The following EHMT1 variants were observed in gnomAD, a reference collection of about 807,000 sequenced individuals.
EHMT1 encodes the protein euchromatic histone lysine methyltransferase 1.
EHMT1 carries 15 observed loss-of-function variants against 147.2 expected under a neutral mutation model. The ratio of observed to expected loss-of-function variants is 0.10; its 90% CI spans 0.07 to 0.16. EHMT1 has a LOEUF of 0.16. Among genes scored for constraint, EHMT1 ranks in the 10% least tolerant of loss-of-function variants. The probability of loss-of-function intolerance (pLI) is 1.00; values close to 1 mark genes in which losing one functional copy is unlikely to be tolerated. For synonymous variants in EHMT1, 795 were observed against 709.6 expected, an observed-to-expected ratio of 1.12 and a Z score of -1.91; for missense variants, 1,587 against 1,772.4, an observed-to-expected ratio of 0.90 and a Z score of 1.88.
chr9:137,637,566 T>C (rs1428456714), intron 1 of EHMT1: 1 of 152,062 alleles, frequency 6.6e-6, no homozygotes, highest in Non-Finnish European at 1.5e-5. Context: ...ACTTCAGTCT[T>C]GAACTCCTGA....
rs547934043 is a variant in EHMT1, at chr9:137,717,284, G to A, written c.642+102G>A. ...ATTGAGGAGAAGCCAGTAAGTGTCAGTGGTTATCCGACAGGGCCTATGAGG... is the reference window on the plus strand; with the variant it reads ...ATTGAGGAGAAGCCAGTAAGTGTCAATGGTTATCCGACAGGGCCTATGAGG... On this transcript the variant is annotated intron_variant, in intron 3 of 26. Coordinates refer to ENST00000460843, the MANE Select transcript of EHMT1 (RefSeq NM_024757.5). 4.1e-6 allele frequency: 6 copies of A among 1,446,512 alleles called. No homozygotes were observed. In the East Asian group the frequency reaches 1.2e-4, roughly 29 times the overall value. The allele number at this position is 1,446,512 out of a possible 1,614,324, so 89.6% of individuals were successfully genotyped here.
rs758415082 is a variant in EHMT1, at chr9:137,782,277, G to A, written c.2276-14G>A. On this transcript the variant is annotated splice_polypyrimidine_tract_variant and intron_variant, in intron 14 of 26. Transcript: ENST00000460843. The surrounding 1 kb of genome is among the most constrained non-coding windows in gnomAD (Gnocchi z 5.7). ...TACATCTGAAATCATTAATAAAACTGTGTTTGTTCACAGTGGACGGAATTG... is the reference window on the plus strand; with the variant it reads ...TACATCTGAAATCATTAATAAAACTATGTTTGTTCACAGTGGACGGAATTG... 9.9e-6 allele frequency: 16 copies of A among 1,608,192 alleles called. No individual in the cohort carries two copies. Among genetic ancestry groups the A allele is most frequent in the Non-Finnish European group, 1.0e-5 (12 of 1,175,712 alleles).
At chr9:137,809,806 G>A (rs117340399) in intron 18 of EHMT1, among the ~76,000 whole-genome samples, 1 of 152,278 alleles carries the variant, frequency 6.6e-6, no homozygotes, top group African/African-American at 2.4e-5. Flanking sequence ...GTAAAGGAAA[G>A]GTCCGGAAGC....
At chr9:137,810,311 C>T (rs1954360207) in intron 18 of EHMT1, among the ~76,000 whole-genome samples, 1 of 151,872 alleles carries the variant, frequency 6.6e-6, no homozygotes, top group Non-Finnish European at 1.5e-5. Context: ...CCTCGCACGG[C>T]GCCAACTGGA....
intron 1 of EHMT1, among the ~76,000 whole-genome samples, chr9:137,635,493 G>T (rs1351352892): frequency 1.3e-5 from 2 of 151,602 alleles, no homozygotes; most frequent in African/African-American, 4.8e-5. Flanking sequence ...GGGATTACAG[G>T]CATGAACCAC....
At chr9:137,631,124 C>G (rs555908772) in intron 1 of EHMT1, among the ~76,000 whole-genome samples, 3 of 152,218 alleles carry the variant, frequency 2.0e-5, no homozygotes, top group African/African-American at 7.2e-5. Context: ...GTGGCTTATG[C>G]CTGTAATCCC....
At chr9:137,726,352 G>T (rs538204549) in intron 3 of EHMT1, among the ~76,000 whole-genome samples, 17 of 152,282 alleles carry the variant, frequency 1.1e-4, no homozygotes, top group African/African-American at 3.4e-4. Context: ...GGGACCTCCT[G>T]TAAGTGGAAT....
intron 22 of EHMT1, chr9:137,815,717 G>A (rs775688207): frequency 3.0e-5 from 17 of 563,546 alleles, no homozygotes; most frequent in Non-Finnish European, 5.5e-5. Flanking sequence ...GCTGGGCCTA[G>A]GGGAGCGCTC....
In EHMT1 at chr9:137,762,807, G is replaced by A; in HGVS notation, c.1634G>A (p.Ser545Asn). 1 of 1,614,224 alleles carries A rather than the reference G, an allele frequency of 6.2e-7. No homozygotes were observed. The highest frequency in any genetic ancestry group is 8.5e-7 in the Non-Finnish European group (1 of 1,180,038). The stretch of plus-strand genomic sequence containing the variant: ...AACAACCAGTGCATGGCTACAGAGA[G>A]CGTGGACCATGAAGTAAGCACGTTT... ...LANNQCMATESVDHELGRCTN... is the reference protein window; with the variant it reads ...LANNQCMATENVDHELGRCTN... Residue 545 changes from serine to asparagine, a missense_variant, in exon 10 of 27, where the codon AGC becomes AAC. Physicochemically the swap from Ser to Asn is conservative, Grantham distance 46 (BLOSUM62 1). This residue lies in a region of EHMT1 where 124 missense variants were observed against 197.8 expected (regional missense o/e 0.63). Coordinates refer to ENST00000460843, the MANE Select transcript of EHMT1 (RefSeq NM_024757.5).
At chr9:137,626,604 C>T (rs1843274771) in intron 1 of EHMT1, among the ~76,000 whole-genome samples, 1 of 150,434 alleles carries the variant, frequency 6.6e-6, no homozygotes, top group Non-Finnish European at 1.5e-5. Flanking sequence ...GCTGTCTTAT[C>T]TCTTAGTCTT....
intron 3 of EHMT1, among the ~76,000 whole-genome samples, chr9:137,724,951 C>CGTGTGGCATTCCTGTGGCAGGT (rs879333880): frequency 0.1 from 14,290 of 143,016 alleles, 2,259 homozygotes; most frequent in African/African-American, 0.35. Flanking sequence ...GTGGGGCAGG[C>CGTGTGGCATTCCTGTGGCAGGT]GTGTGGCATT....
At chr9:137,750,732 G>A (rs1187172198) in intron 6 of EHMT1, among the ~76,000 whole-genome samples, 1 of 152,222 alleles carries the variant, frequency 6.6e-6, no homozygotes, top group Non-Finnish European at 1.5e-5. Flanking sequence ...GCACAGTGGG[G>A]GACACCGGAG....
intron 1 of EHMT1, among the ~76,000 whole-genome samples, chr9:137,646,823 C>T (rs1400137314): frequency 6.6e-6 from 1 of 152,168 alleles, no homozygotes; most frequent in Non-Finnish European, 1.5e-5. Context: ...CAGCTTCTTC[C>T]TTACCTTTCT....
At chr9:137,640,400 C>G (rs1307082889) in intron 1 of EHMT1, among the ~76,000 whole-genome samples, 1 of 152,166 alleles carries the variant, frequency 6.6e-6, no homozygotes, top group African/African-American at 2.4e-5. Context: ...CCTTGGCTTC[C>G]TGATCAGCTG....
chr9:137,637,285 C>G (rs748029790), intron 1 of EHMT1, among the ~76,000 whole-genome samples: 1 of 152,134 alleles, frequency 6.6e-6, no homozygotes, highest in Non-Finnish European at 1.5e-5. Context: ...AAGTGAATCT[C>G]CTGCCTCAGC....
intron 16 of EHMT1, among the ~76,000 whole-genome samples, chr9:137,797,856 G>A (rs1182193975): frequency 6.6e-6 from 1 of 152,152 alleles, no homozygotes. Context: ...GAAGGGAGAC[G>A]GTGGTGGAGT....
Position 137,775,325 on chromosome 9 carries a change from C to A in EHMT1, c.1791+73C>A, listed in dbSNP as rs1950877864. 6.4e-7 allele frequency: 1 copy of A among 1,573,876 alleles called. No homozygotes were observed. The highest frequency in any genetic ancestry group is 8.6e-7 in the Non-Finnish European group (1 of 1,165,618). ...TCTGCTCACTGGTGCTGGTTCCTGT[C>A]CTGTGTCCACCTGCTGTCGGGTGGT... On this transcript the variant is annotated intron_variant, in intron 11 of 26. Coordinates refer to ENST00000460843, the MANE Select transcript of EHMT1 (RefSeq NM_024757.5). This position sits in a 1 kb window ranked among gnomAD's most constrained non-coding sequence, Gnocchi z 6.1.
At chr9:137,833,344 C>T (rs1259667297) in intron 25 of EHMT1, among the ~76,000 whole-genome samples, 1 of 152,246 alleles carries the variant, frequency 6.6e-6, no homozygotes, top group Non-Finnish European at 1.5e-5. Flanking sequence ...CACCCACCCG[C>T]AGCTCGCCAT....
intron 6 of EHMT1, among the ~76,000 whole-genome samples, chr9:137,752,027 G>C (rs991445126): frequency 6.6e-6 from 1 of 152,216 alleles, no homozygotes; most frequent in Non-Finnish European, 1.5e-5. Flanking sequence ...AGCACCCAGC[G>C]GGTGAGCTCT....
Sources: allele counts gnomAD v4.1 joint callset (sites outside exome capture counted in the v4.1 genomes callset), GRCh38; gene constraint gnomAD v4.1.1; regional missense constraint gnomAD v4.1.1; non-coding constraint Gnocchi (gnomAD v3.1); transcripts MANE v1.5; gene names NCBI Gene and HGNC (gene_info 2026-07-23, HGNC 2026-07-21).